The following CASR variants were observed in gnomAD, a reference collection of about 807,000 sequenced individuals.
CASR encodes the protein calcium sensing receptor, also known as extracellular calcium-sensing receptor.
A neutral mutation model predicts 69.1 loss-of-function variants in CASR; 23 were observed. The observed-to-expected ratio is 0.33, with a 90% CI of 0.24 to 0.47. The LOEUF (loss-of-function observed/expected upper bound fraction) is 0.47. Among genes scored for constraint, CASR ranks in the 20% least tolerant of loss-of-function variants. The pLI is 1.00. For missense variants in CASR, 924 were observed against 1,356.1 expected, an observed-to-expected ratio of 0.68 and a Z score of 5.00; for synonymous variants, 541 against 544.7, an observed-to-expected ratio of 0.99 and a Z score of 0.10.
chr3:122,224,950 C>G (rs2074208430), intron 1 of CASR, among the ~76,000 whole-genome samples: 1 of 152,048 alleles, frequency 6.6e-6, no homozygotes, highest in African/African-American at 2.4e-5. Flanking sequence ...GAAAGGACTC[C>G]CCATATGATC....
intron 1 of CASR, among the ~76,000 whole-genome samples, chr3:122,208,028 T>C (rs1202632184): frequency 6.6e-6 from 1 of 152,184 alleles, no homozygotes; most frequent in Non-Finnish European, 1.5e-5. Context: ...ATAGCAAAAG[T>C]AGTACTAAGA....
At chr3:122,186,748 A>G (rs2073788834) in intron 1 of CASR, among the ~76,000 whole-genome samples, 1 of 152,214 alleles carries the variant, frequency 6.6e-6, no homozygotes, top group Non-Finnish European at 1.5e-5. Flanking sequence ...ATCTCCCTTG[A>G]GCCAAGATTC....
At position 122,285,431 on chromosome 3, in the gene CASR, C is replaced by A; in HGVS notation, c.*240C>A. Reference sequence around the variant, plus strand: ...ATTTGTCAAAGCATTGAGATCTCCACGGTCAGATTTGCTGTTCACCCACAT... The same window carrying A: ...ATTTGTCAAAGCATTGAGATCTCCAAGGTCAGATTTGCTGTTCACCCACAT... On this transcript the variant is annotated 3_prime_UTR_variant, in exon 7 of 7. Transcript: ENST00000639785. 2.0e-6 allele frequency: 1 copy of A among 499,508 alleles called. No individual in the cohort carries two copies. The highest frequency in any genetic ancestry group is 3.6e-6 in the Non-Finnish European group (1 of 274,712). The allele number at this position is 499,508 out of a possible 1,614,324, so 30.9% of individuals were successfully genotyped here. A position where few individuals can be genotyped will look rare whatever the true frequency, so the allele number is the denominator to read the frequency against.
intron 4 of CASR, 94 bp from the exon 5 acceptor site, chr3:122,275,718 A>G: frequency 2.3e-6 from 2 of 853,258 alleles, no homozygotes; most frequent in Non-Finnish European, 4.1e-6. Context: ...TTGTTGGAAC[A>G]AGATAGTCTA....
chr3:122,254,704 A>G (rs1222866898), intron 2 of CASR, among the ~76,000 whole-genome samples: 1 of 152,216 alleles, frequency 6.6e-6, no homozygotes, highest in Non-Finnish European at 1.5e-5. Context: ...AATTTATTGC[A>G]GGTCTTGCAA....
At chr3:122,252,362 AGAAG>A (rs11273970) in intron 1 of CASR, among the ~76,000 whole-genome samples, 9 of 26,256 alleles carry the variant, frequency 3.4e-4, no homozygotes, top group African/African-American at 1.4e-3. Flanking sequence ...AAAGAAAGAA[AGAAG>A]GAAGGAAGGA....
intron 1 of CASR, among the ~76,000 whole-genome samples, chr3:122,213,392 A>G (rs1296796109): frequency 1.3e-5 from 2 of 152,210 alleles, no homozygotes; most frequent in Non-Finnish European, 2.9e-5. Flanking sequence ...GACCTCTTTC[A>G]GCATCCTGCA....
At chr3:122,221,183 A>G (rs2074166331) in intron 1 of CASR, among the ~76,000 whole-genome samples, 1 of 152,216 alleles carries the variant, frequency 6.6e-6, no homozygotes, top group South Asian at 2.1e-4. Context: ...GAGTGTAGAA[A>G]GAGACATTGA....
chr3:122,248,366 A>G (rs942338304), intron 1 of CASR, among the ~76,000 whole-genome samples: 2 of 150,000 alleles, frequency 1.3e-5, no homozygotes, highest in Admixed American at 1.3e-4. Context: ...TTTGGTGATT[A>G]TTGATTAAAC....
chr3:122,195,252 G>A (rs569790574), intron 1 of CASR, among the ~76,000 whole-genome samples: 31 of 152,166 alleles, frequency 2.0e-4, no homozygotes, highest in Non-Finnish European at 3.2e-4. Flanking sequence ...AAAAGGGTGA[G>A]ATTTCCTATG....
rs991532924 is a variant in CASR, at chr3:122,229,924, G to A, written c.-242-24024G>A. On this transcript the variant is annotated intron_variant, in intron 1 of 6. Transcript: ENST00000639785. Reference sequence around the variant, plus strand: ...CTAACCAAGTAAACTATGAAATAATGAGAGACTGTACATTTCTGTTCTACT... The same window carrying A: ...CTAACCAAGTAAACTATGAAATAATAAGAGACTGTACATTTCTGTTCTACT... 2.0e-5 allele frequency among the ~76,000 whole-genome samples: 3 copies of A among 152,130 alleles called. 1 individual carries two copies. The highest frequency in any genetic ancestry group is 4.4e-5 in the Non-Finnish European group (3 of 68,022).
chr3:122,228,766 A>T (rs2074251907), intron 1 of CASR, among the ~76,000 whole-genome samples: 1 of 152,162 alleles, frequency 6.6e-6, no homozygotes, highest in African/African-American at 2.4e-5. Context: ...TAAGAGCTGA[A>T]CTGAATCCAT....
chr3:122,261,986 C>T lies in CASR; in HGVS notation c.951C>T (p.Thr317=), dbSNP rs1276505028. The T allele has an allele frequency of 1.2e-6, 2 of 1,614,110 alleles. No homozygotes were observed. Among genetic ancestry groups the T allele is most frequent in the African/African-American group, 2.7e-5 (2 of 74,944 alleles). ...MPQYFHVVGG[T]IGFALKAGQI... ...AGTACTTCCACGTGGTTGGCGGCAC[C>T]ATTGGATTCGCTCTGAAGGCTGGGC... is the stretch of plus-strand genomic sequence containing the variant. Residue 317 remains threonine, a synonymous_variant, in exon 4 of 7, where the codon ACC becomes ACT. Transcript: ENST00000639785.
chr3:122,260,026 C>T (rs1211965836), intron 3 of CASR, among the ~76,000 whole-genome samples: 1 of 152,080 alleles, frequency 6.6e-6, no homozygotes, highest in Non-Finnish European at 1.5e-5. Context: ...GAAGAAATTC[C>T]ATTTGTGTAA....
intron 1 of CASR, among the ~76,000 whole-genome samples, chr3:122,238,937 T>C (rs2107613366): frequency 6.6e-6 from 1 of 152,330 alleles, no homozygotes; most frequent in East Asian, 1.9e-4. Flanking sequence ...ACCCAGGTAG[T>C]GTGCCATGGG....
chr3:122,211,575 G>T (rs2074066681), intron 1 of CASR, among the ~76,000 whole-genome samples: 1 of 152,128 alleles, frequency 6.6e-6, no homozygotes, highest in Non-Finnish European at 1.5e-5. Context: ...GGGCGTGGTG[G>T]CACACCCCTG....
intron 4 of CASR, among the ~76,000 whole-genome samples, chr3:122,265,626 C>T (rs761517583): frequency 2.0e-5 from 3 of 152,192 alleles, no homozygotes; most frequent in Non-Finnish European, 4.4e-5. Flanking sequence ...CCGTTTGAGC[C>T]AACAACCCAT....
intron 1 of CASR, among the ~76,000 whole-genome samples, chr3:122,187,400 A>G (rs1238006139): frequency 6.6e-6 from 1 of 152,246 alleles, no homozygotes; most frequent in African/African-American, 2.4e-5. Flanking sequence ...TATTCATTCG[A>G]CAGTGTTTAC....
chr3:122,193,168 TCTC>T (rs985732276), intron 1 of CASR, among the ~76,000 whole-genome samples: 43 of 150,422 alleles, frequency 2.9e-4, no homozygotes, highest in Admixed American at 2.7e-3. Flanking sequence ...ATATTATCAT[TCTC>T]CTATTCTTTC....
Sources: allele counts gnomAD v4.1 joint callset (sites outside exome capture counted in the v4.1 genomes callset), GRCh38; gene constraint gnomAD v4.1.1; transcripts MANE v1.5; gene names NCBI Gene and HGNC (gene_info 2026-07-23, HGNC 2026-07-21).